DLC1: variants seen among roughly 807,000 people sequenced by gnomAD.
DLC1 encodes the protein rho GTPase-activating protein 7.
A neutral mutation model predicts 140.3 loss-of-function variants in DLC1; 54 were observed. The observed-to-expected ratio is 0.38, with a 90% CI of 0.31 to 0.48. DLC1 has a LOEUF of 0.48. Among genes scored for constraint, DLC1 ranks in the 20% least tolerant of loss-of-function variants. The probability of loss-of-function intolerance (pLI) is 0.96; values close to 1 mark genes in which losing one functional copy is unlikely to be tolerated. For missense variants in DLC1, 2,536 were observed against 1,907.0 expected, an observed-to-expected ratio of 1.33 and a Z score of -6.14; for synonymous variants, 986 against 728.1, an observed-to-expected ratio of 1.35 and a Z score of -5.70.
At chr8:13,327,120 A>ATTTTTTTTTTTTTTTTTTTTT (rs34667525) in intron 4 of DLC1, among the ~76,000 whole-genome samples, 1 of 85,660 alleles carries the variant, frequency 1.2e-5, no homozygotes, top group African/African-American at 4.4e-5. Flanking sequence ...ACACCCGGCT[A>ATTTTTTTTTTTTTTTTTTTTT]TTTTTTTTTT....
chr8:13,561,279 G>A (rs7821950), intron 1 of DLC1, among the ~76,000 whole-genome samples: 90,343 of 151,744 alleles, frequency 0.6, 27,120 homozygotes, highest in East Asian at 0.62. Context: ...ACCTGGCTAA[G>A]CAACTACAGC....
rs181470587 is a variant in DLC1, at chr8:13,575,178, A to C, written c.-126+29359T>G. ...TTACATCAAAGTGTCTTATGCAATC[A>C]TAAGCCCTGATTTTGATGAGCCCAC... On this transcript the variant is annotated intron_variant, in intron 1 of 1. Coordinates refer to the DLC1 transcript ENST00000631382. Among the ~76,000 whole-genome samples the C allele has an allele frequency of 4.2e-3, 636 of 152,302 alleles. 1 individual carries two copies. Among genetic ancestry groups the C allele is most frequent in the Non-Finnish European group, 7.3e-3 (495 of 68,018 alleles).
intron 5 of DLC1, among the ~76,000 whole-genome samples, chr8:13,152,487 A>C (rs1286293753): frequency 6.6e-6 from 1 of 152,208 alleles, no homozygotes; most frequent in Non-Finnish European, 1.5e-5. Context: ...TTAATGAAGC[A>C]GTGGTTTTAA....
chr8:13,442,748 T>G (rs979630534), intron 2 of DLC1, among the ~76,000 whole-genome samples: 2 of 152,232 alleles, frequency 1.3e-5, no homozygotes, highest in African/African-American at 4.8e-5. Flanking sequence ...ACTTTTACAC[T>G]GTTGGTGGGA....
Position 13,329,628 on chromosome 8 carries a change from C to A in DLC1, c.1315-24326G>T, listed in dbSNP as rs377385761. 2.6e-5 allele frequency among the ~76,000 whole-genome samples: 4 copies of A among 152,282 alleles called. No individual in the cohort carries two copies. The East Asian group carries it at 7.7e-4, about 29-fold the overall frequency. On this transcript the variant is annotated intron_variant, in intron 4 of 17. Transcript: ENST00000276297. ...TGGTTTAGGGCTATTTTAAACTCCTCATCTGTTCTATGATTAGGAAATATT... is the reference window on the plus strand; with the variant it reads ...TGGTTTAGGGCTATTTTAAACTCCTAATCTGTTCTATGATTAGGAAATATT...
chr8:13,290,805 G>A (rs1339038805), intron 5 of DLC1, among the ~76,000 whole-genome samples: 1 of 152,194 alleles, frequency 6.6e-6, no homozygotes, highest in African/African-American at 2.4e-5. Context: ...GAGGAGGAAA[G>A]TGCGGGTTGT....
At chr8:13,465,265 G>C (rs1264564686) in intron 2 of DLC1, among the ~76,000 whole-genome samples, 1 of 152,134 alleles carries the variant, frequency 6.6e-6, no homozygotes, top group Non-Finnish European at 1.5e-5. Context: ...ACACTTCTAG[G>C]AGTGAAGTTC....
chr8:13,226,076 C>A (rs1188188447), intron 5 of DLC1, among the ~76,000 whole-genome samples: 4 of 152,024 alleles, frequency 2.6e-5, no homozygotes, highest in African/African-American at 9.7e-5. Context: ...CCACACTTGG[C>A]TACTTTTTTT....
rs572585142 is a variant in DLC1 at position 13,084,889 on chromosome 8, G to T, written c.*922C>A. On this transcript the variant is annotated 3_prime_UTR_variant, in exon 18 of 18. Transcript: ENST00000276297. ...CAAAGAATTCTAACAGGGAAAAAGT[G>T]TTGATGCTTGATTTAAGAGTAAGTG... 22 of 152,186 alleles carry T rather than the reference G, an allele frequency of 1.4e-4. No homozygotes were observed. Among genetic ancestry groups the T allele is most frequent in the African/African-American group, 5.1e-4 (21 of 41,438 alleles). The allele number at this position is 152,186 out of a possible 1,614,324, so 9.4% of individuals were successfully genotyped here.
intron 5 of DLC1, among the ~76,000 whole-genome samples, chr8:13,256,463 A>G (rs1412368117): frequency 6.6e-6 from 1 of 152,202 alleles, no homozygotes; most frequent in Non-Finnish European, 1.5e-5. Flanking sequence ...AAAGACTTGG[A>G]ACCAACTCAA....
intron 4 of DLC1, among the ~76,000 whole-genome samples, chr8:13,378,259 A>T (rs1325371585): frequency 2.0e-5 from 3 of 150,884 alleles, no homozygotes; most frequent in Non-Finnish European, 4.4e-5. Context: ...AAATCTTAGT[A>T]ATTGTAAAAG....
At chr8:13,132,849 G>T in intron 5 of DLC1, 2 of 1,455,282 alleles carry the variant, frequency 1.4e-6, no homozygotes, top group Non-Finnish European at 1.9e-6. Flanking sequence ...AACAGGCACC[G>T]ACTTGACAAG....
chr8:13,463,647 G>A (rs1413764143), intron 2 of DLC1, among the ~76,000 whole-genome samples: 1 of 152,182 alleles, frequency 6.6e-6, no homozygotes, highest in Admixed American at 6.5e-5. Flanking sequence ...ATTGGGGCTA[G>A]TCACTTCTGG....
chr8:13,141,403 A>T (rs1260230381), intron 5 of DLC1, among the ~76,000 whole-genome samples: 1 of 152,166 alleles, frequency 6.6e-6, no homozygotes, highest in Non-Finnish European at 1.5e-5. Flanking sequence ...CATTAATACT[A>T]ATAAATCAAT....
chr8:13,089,425 G>C (rs907607492), intron 15 of DLC1, among the ~76,000 whole-genome samples: 2 of 151,802 alleles, frequency 1.3e-5, no homozygotes, highest in Non-Finnish European at 1.5e-5. Flanking sequence ...AGGAGTTCGA[G>C]ACCAGCCTGG....
chr8:13,571,843 A>AT (rs1166526849), intron 1 of DLC1, among the ~76,000 whole-genome samples: 4 of 152,084 alleles, frequency 2.6e-5, no homozygotes, highest in African/African-American at 7.2e-5. Flanking sequence ...AAGGATTCGG[A>AT]TTTTTTCACG....
chr8:13,095,061 G>A (rs199875538), intron 11 of DLC1, 25 bp downstream of exon 11: 17 of 1,613,920 alleles, frequency 1.1e-5, no homozygotes, highest in African/African-American at 2.7e-5. Context: ...CCCTGAGTAC[G>A]TGGACCCGCA....
At chr8:13,232,552 C>T (rs1033196770) in intron 5 of DLC1, among the ~76,000 whole-genome samples, 4 of 152,106 alleles carry the variant, frequency 2.6e-5, no homozygotes, top group Non-Finnish European at 5.9e-5. Context: ...AGGATGGTCT[C>T]GATCTCTTGA....
At chr8:13,521,078 G>C (rs1351791307) in intron 1 of DLC1, among the ~76,000 whole-genome samples, 1 of 152,088 alleles carries the variant, frequency 6.6e-6, no homozygotes, top group Non-Finnish European at 1.5e-5. Flanking sequence ...GCCATAAAAA[G>C]GAACAAGATC....
Sources: allele counts gnomAD v4.1 joint callset (sites outside exome capture counted in the v4.1 genomes callset), GRCh38; gene constraint gnomAD v4.1.1; transcripts MANE v1.5; gene names NCBI Gene and HGNC (gene_info 2026-07-23, HGNC 2026-07-21).